CCSER1: variants seen among roughly 807,000 people sequenced by gnomAD.
The protein encoded by CCSER1 is coiled-coil serine rich protein 1, also known as serine-rich coiled-coil domain-containing protein 1.
A neutral mutation model predicts 82.0 loss-of-function variants in CCSER1; 41 were observed. The observed-to-expected ratio is 0.50, with a 90% CI of 0.39 to 0.65. The LOEUF (loss-of-function observed/expected upper bound fraction) is 0.65, where lower values mean the gene tolerates loss of function less well. Ranked by LOEUF, CCSER1 falls within the 30% of genes least tolerant of loss-of-function variation. The probability of loss-of-function intolerance (pLI) is 0.00; values close to 1 mark genes in which losing one functional copy is unlikely to be tolerated. For missense variants in CCSER1, 1,119 were observed against 1,064.2 expected, an observed-to-expected ratio of 1.05 and a Z score of -0.72; for synonymous variants, 414 against 383.9, an observed-to-expected ratio of 1.08 and a Z score of -0.92.
chr4:90,738,771 C>G (rs1032620606), intron 7 of CCSER1, among the ~76,000 whole-genome samples: 4 of 152,164 alleles, frequency 2.6e-5, no homozygotes, highest in Admixed American at 6.5e-5. Flanking sequence ...CTAGGGTGAG[C>G]AATGCCTGGC....
At chr4:91,195,317 AC>A (rs764741697) in intron 10 of CCSER1, among the ~76,000 whole-genome samples, 19 of 152,344 alleles carry the variant, frequency 1.2e-4, no homozygotes, top group Non-Finnish European at 2.4e-4. Flanking sequence ...TGTTTTAAAA[AC>A]ATTTGAGAGC....
intron 5 of CCSER1, among the ~76,000 whole-genome samples, chr4:90,486,143 G>C (rs985672197): frequency 6.6e-6 from 1 of 152,116 alleles, no homozygotes; most frequent in Non-Finnish European, 1.5e-5. Context: ...TTGATTCCAA[G>C]AACTGTGTTA....
chr4:90,822,554 T>C (rs1310446765), intron 8 of CCSER1, among the ~76,000 whole-genome samples: 2 of 151,818 alleles, frequency 1.3e-5, no homozygotes, highest in Non-Finnish European at 2.9e-5. Flanking sequence ...TGGTGAAACC[T>C]CATCTCTACT....
At chr4:91,102,523 C>T (rs1725178546) in intron 10 of CCSER1, among the ~76,000 whole-genome samples, 1 of 152,142 alleles carries the variant, frequency 6.6e-6, no homozygotes, top group Non-Finnish European at 1.5e-5. Context: ...AGAAGGATTA[C>T]AGTAGAAGGA....
chr4:90,516,218 A>G (rs1772248352), intron 5 of CCSER1, among the ~76,000 whole-genome samples: 1 of 152,204 alleles, frequency 6.6e-6, no homozygotes, highest in African/African-American at 2.4e-5. Context: ...CTAGCAGAAG[A>G]AATAGTATTT....
At chr4:90,632,682 C>A (rs1321383631) in intron 6 of CCSER1, among the ~76,000 whole-genome samples, 1 of 152,038 alleles carries the variant, frequency 6.6e-6, no homozygotes, top group African/African-American at 2.4e-5. Flanking sequence ...AGTGTCTCTT[C>A]CAAGTATACT....
intron 10 of CCSER1, among the ~76,000 whole-genome samples, chr4:91,141,433 T>A (rs1271206495): frequency 4.6e-5 from 7 of 152,334 alleles, no homozygotes; most frequent in Middle Eastern, 3.4e-3. Context: ...ATTATAGGCA[T>A]GAACCACCAT....
chr4:90,993,460 T>G (rs183576957), intron 9 of CCSER1, among the ~76,000 whole-genome samples: 2 of 148,790 alleles, frequency 1.3e-5, no homozygotes, highest in African/African-American at 2.5e-5. Context: ...GCTTATTTCC[T>G]TATTTTTTTT....
At chr4:90,412,449 A>G (rs1447067596) in intron 4 of CCSER1, among the ~76,000 whole-genome samples, 1 of 151,938 alleles carries the variant, frequency 6.6e-6, no homozygotes, top group Non-Finnish European at 1.5e-5. Context: ...TGTGTACCCT[A>G]AAACTTAAAG....
At chr4:90,970,956 T>C (rs1418589890) in intron 9 of CCSER1, among the ~76,000 whole-genome samples, 1 of 151,760 alleles carries the variant, frequency 6.6e-6, no homozygotes, top group Non-Finnish European at 1.5e-5. Flanking sequence ...TAAATGCCCA[T>C]GTTAAGAGAA....
intron 1 of CCSER1, among the ~76,000 whole-genome samples, chr4:90,245,932 C>T (rs1721330768): frequency 1.3e-5 from 2 of 152,010 alleles, no homozygotes; most frequent in South Asian, 4.1e-4. Flanking sequence ...TTTGTTTTCT[C>T]CTTAGGGAAT....
chr4:90,402,965 A>G (rs1578291543), intron 4 of CCSER1, among the ~76,000 whole-genome samples: 1 of 152,228 alleles, frequency 6.6e-6, no homozygotes, highest in East Asian at 1.9e-4. Context: ...CACAAGATAA[A>G]TGGTATTAGT....
At chr4:91,076,498 T>A (rs1012294103) in intron 9 of CCSER1, among the ~76,000 whole-genome samples, 2 of 152,150 alleles carry the variant, frequency 1.3e-5, no homozygotes, top group Non-Finnish European at 2.9e-5. Flanking sequence ...GCAATTTGAC[T>A]AAGGATGAAA....
At chr4:90,643,530 T>C (rs1456003812) in intron 6 of CCSER1, among the ~76,000 whole-genome samples, 1 of 152,340 alleles carries the variant, frequency 6.6e-6, no homozygotes, top group South Asian at 2.1e-4. Context: ...AGGTTGGGGA[T>C]AACAGTCACA....
At chr4:91,165,001 G>T (rs947186320) in intron 10 of CCSER1, among the ~76,000 whole-genome samples, 1 of 152,310 alleles carries the variant, frequency 6.6e-6, no homozygotes, top group Admixed American at 6.5e-5. Flanking sequence ...TCCTTTGAAG[G>T]AGAAGAGGTG....
At chr4:90,786,381 A>G (rs1283206773) in intron 7 of CCSER1, among the ~76,000 whole-genome samples, 2 of 152,194 alleles carry the variant, frequency 1.3e-5, no homozygotes, top group African/African-American at 4.8e-5. Flanking sequence ...CAGAAACTAT[A>G]ACATGGTTCC....
rs117766292 is a variant in CCSER1 at position 90,382,167 on chromosome 4, G to A, written c.1510-17869G>A. Among the ~76,000 whole-genome samples, 12 of 152,158 alleles carry A rather than the reference G, an allele frequency of 7.9e-5. No individual in the cohort carries two copies. The East Asian group carries it at 2.3e-3, about 29-fold the overall frequency. On this transcript the variant is annotated intron_variant, in intron 3 of 10. Transcript: ENST00000509176. The stretch of plus-strand genomic sequence containing the variant: ...ATCTTTATATCAAATAGGTAAGTTA[G>A]CAAACATGCCAAACTAAAGAAATGA...
chr4:90,213,135 CCCTGATAGCAGG>C lies in CCSER1; in HGVS notation c.-42+85305_-42+85316del, dbSNP rs1392483623. Among the ~76,000 whole-genome samples the C allele has an allele frequency of 2.0e-4, 30 of 152,248 alleles. 1 individual carries two copies. The East Asian group carries it at 5.8e-3, about 29-fold the overall frequency. Reference sequence around the variant, plus strand: ...CACTCTGGCATCAGTGTTGAAAATACCCTGATAGCAGGGTAATCAGGAGAAAGCAATGGTAGC... The same window carrying C: ...CACTCTGGCATCAGTGTTGAAAATACGTAATCAGGAGAAAGCAATGGTAGC... On this transcript the variant is annotated intron_variant, in intron 1 of 10. Coordinates refer to ENST00000509176, the MANE Select transcript of CCSER1 (RefSeq NM_001145065.2).
chr4:91,307,771 A>G (rs563869966), intron 10 of CCSER1, among the ~76,000 whole-genome samples: 1 of 152,088 alleles, frequency 6.6e-6, no homozygotes, highest in South Asian at 2.1e-4. Context: ...GTACAATATC[A>G]TTTGAATTGT....
Sources: gnomAD v4.1 joint callset for allele counts (sites outside exome capture counted in the v4.1 genomes callset) on GRCh38, gnomAD v4.1.1 for gene constraint, MANE v1.5 for transcripts, NCBI Gene and HGNC (gene_info 2026-07-23, HGNC 2026-07-21) for gene names.